The following SLC7A8 variants were observed in gnomAD, a reference collection of about 807,000 sequenced individuals.
SLC7A8 encodes the protein solute carrier family 7 member 8.
SLC7A8 carries 30 observed loss-of-function variants against 51.2 expected under a neutral mutation model. The observed-to-expected ratio is 0.59, with a 90% CI of 0.44 to 0.80. SLC7A8 has a LOEUF of 0.80. SLC7A8 is among the 30% of genes least tolerant of loss of function. The pLI is 0.00. For missense variants in SLC7A8, 612 were observed against 674.4 expected (o/e 0.91, Z 1.03); for synonymous variants, 257 against 275.8 (o/e 0.93, Z 0.67).
chr14:23,143,828 C>T (rs1245299188), intron 3 of SLC7A8, among the ~76,000 whole-genome samples: 1 of 152,176 alleles, frequency 6.6e-6, no homozygotes, highest in Non-Finnish European at 1.5e-5. Flanking sequence ...TCTTCCCCTA[C>T]CTCTACAACC....
chr14:23,146,306 G>C (rs117617634), intron 3 of SLC7A8, among the ~76,000 whole-genome samples: 3 of 152,198 alleles, frequency 2.0e-5, no homozygotes, highest in Non-Finnish European at 2.9e-5. Flanking sequence ...GGGGAGGAGA[G>C]GGGAGGGCGA....
At chr14:23,158,483 C>T (rs2048905352) in intron 3 of SLC7A8, among the ~76,000 whole-genome samples, 1 of 152,168 alleles carries the variant, frequency 6.6e-6, no homozygotes, top group Admixed American at 6.5e-5. Context: ...GCAGCTGGGA[C>T]TACAGGCCCC....
chr14:23,146,762 T>C (rs1220720706), intron 3 of SLC7A8: 2 of 152,210 alleles, frequency 1.3e-5, no homozygotes, highest in Non-Finnish European at 2.9e-5. Context: ...TGGGTGATCA[T>C]ACCATGTGAC....
chr14:23,144,511 A>C (rs1324683770), intron 3 of SLC7A8, among the ~76,000 whole-genome samples: 1 of 152,122 alleles, frequency 6.6e-6, no homozygotes, highest in Admixed American at 6.6e-5. Context: ...TCTCTACAAA[A>C]AATTTTAAAA....
At chr14:23,159,853 C>T (rs1356404204) in intron 3 of SLC7A8, among the ~76,000 whole-genome samples, 1 of 152,174 alleles carries the variant, frequency 6.6e-6, no homozygotes, top group Non-Finnish European at 1.5e-5. Context: ...AAGCTAGCCT[C>T]TTAGGAATCT....
In SLC7A8 at chr14:23,163,746, C is replaced by A. The variant is rs750884520; in HGVS notation, c.508+1539G>T. 4.6e-5 allele frequency among the ~76,000 whole-genome samples: 7 copies of A among 152,206 alleles called. No homozygotes were observed. In the East Asian group the frequency reaches 1.2e-3, roughly 25 times the overall value. On this transcript the variant is annotated intron_variant, in intron 3 of 10. Transcript: ENST00000316902. ...GACCCAGTGAACCCTAGAGGTGGAG[C>A]CCCTGAAACATATCTAAGTATTTAC...
chr14:23,180,176 G>A (rs1877110235), intron 1 of SLC7A8, among the ~76,000 whole-genome samples: 1 of 152,160 alleles, frequency 6.6e-6, no homozygotes, highest in Non-Finnish European at 1.5e-5. Flanking sequence ...AAAGTGCTGG[G>A]ATTACAGGTG....
chr14:23,161,485 C>T (rs1183373582), intron 3 of SLC7A8, among the ~76,000 whole-genome samples: 7 of 68,048 alleles, frequency 1.0e-4, no homozygotes, highest in Admixed American at 4.3e-4. Flanking sequence ...TACGCCACAC[C>T]GGAACTCTCT....
At chr14:23,143,275 C>G in intron 3 of SLC7A8, 71 bp from the exon 4 acceptor site, 1 of 1,590,122 alleles carries the variant, frequency 6.3e-7, no homozygotes, top group South Asian at 1.1e-5. Flanking sequence ...GGCACACAAG[C>G]AGAACTGCTC....
In SLC7A8 at chr14:23,182,725, A is replaced by G. The variant is rs1877234637; in HGVS notation, c.151+39T>C. 6 of 1,515,216 alleles carry G rather than the reference A, an allele frequency of 4.0e-6. No homozygotes were observed. The East Asian group carries it at 1.4e-4, about 35-fold the overall frequency. 93.9% of individuals were successfully genotyped at this position (1,515,216 alleles called of 1,614,324 possible). ...TAAGATCTCACAGGAGGACCACCAG[A>G]GGGGAGAGGAGGGGTCCGCGGGAAG... On this transcript the variant is annotated intron_variant, in intron 1 of 10. Coordinates refer to ENST00000316902, the MANE Select transcript of SLC7A8 (RefSeq NM_012244.4).
chr14:23,142,201 G>A (rs1594824711), intron 4 of SLC7A8, among the ~76,000 whole-genome samples: 1 of 151,784 alleles, frequency 6.6e-6, no homozygotes, highest in African/African-American at 2.4e-5. Flanking sequence ...AAATTTCCCT[G>A]TTTGTCACCT....
At position 23,143,065 on chromosome 14, in the gene SLC7A8, C is replaced by T. The variant is rs1327018604; in HGVS notation, c.634+14G>A. ...GGAAAGCTGGGCAGTACCTGTTTTT[C>T]CTGCGATACTCACCTTTGCATATCT... On this transcript the variant is annotated intron_variant, in intron 4 of 10. Coordinates refer to ENST00000316902, the MANE Select transcript of SLC7A8 (RefSeq NM_012244.4). The T allele has an allele frequency of 6.2e-7, 1 of 1,613,136 alleles. No homozygotes were observed. The highest frequency in any genetic ancestry group is 1.7e-5 in the Admixed American group (1 of 59,948).
chr14:23,182,784 C>A lies in SLC7A8; in HGVS notation c.131G>T (p.Ser44Ile), dbSNP rs760406023. ...VALKKEIGLV[S>I]ACGIIVGNII... Reference sequence around the variant, plus strand: ...CTCACCTACGATGATACCACAGGCACTGACCAATCCGATCTCTTTCTTCAG... The same window carrying A: ...CTCACCTACGATGATACCACAGGCAATGACCAATCCGATCTCTTTCTTCAG... Residue 44 changes from serine to isoleucine, a missense_variant, in exon 1 of 11, where the codon AGT becomes ATT. Ser to Ile is a moderately radical substitution (Grantham distance 142). Transcript: ENST00000316902. 3 of 1,602,624 alleles carry A rather than the reference C, an allele frequency of 1.9e-6. No individual in the cohort carries two copies. The highest frequency in any genetic ancestry group is 1.7e-5 in the Admixed American group (1 of 58,344).
chr14:23,142,950 A>C, intron 4 of SLC7A8, 129 bp downstream of exon 4: 1 of 1,218,448 alleles, frequency 8.2e-7, no homozygotes, highest in Non-Finnish European at 1.1e-6. Context: ...GGGAAGAAGA[A>C]GAGAAGTCAC....
intron 3 of SLC7A8, among the ~76,000 whole-genome samples, chr14:23,155,896 A>G (rs970742007): frequency 6.6e-6 from 1 of 152,172 alleles, no homozygotes; most frequent in African/African-American, 2.4e-5. Context: ...ACTAAATTCT[A>G]TAAACCTGGA....
At chr14:23,139,630 T>C (rs2048724540) in intron 5 of SLC7A8, 83 bp from the exon 6 acceptor site, 2 of 1,503,514 alleles carry the variant, frequency 1.3e-6, no homozygotes, top group Admixed American at 2.1e-5. Context: ...GTCTTCTGTC[T>C]TTCTGCATGC....
intron 7 of SLC7A8, among the ~76,000 whole-genome samples, chr14:23,134,237 A>G (rs1396381002): frequency 6.6e-6 from 1 of 151,956 alleles, no homozygotes; most frequent in Non-Finnish European, 1.5e-5. Context: ...AAATCGCAAA[A>G]TGCAGCCTGG....
intron 5 of SLC7A8, 40 bp from the exon 6 acceptor site, chr14:23,139,587 G>A (rs201345531): frequency 2.8e-5 from 45 of 1,594,060 alleles, no homozygotes; most frequent in Middle Eastern, 1.7e-4. Context: ...GCTGGCACCC[G>A]GGACACCCGC....
rs765247436 is a variant in SLC7A8, at chr14:23,143,067, T to C, written c.634+12A>G. ...AAAGCTGGGCAGTACCTGTTTTTCCTGCGATACTCACCTTTGCATATCTGT... is the reference window on the plus strand; with the variant it reads ...AAAGCTGGGCAGTACCTGTTTTTCCCGCGATACTCACCTTTGCATATCTGT... On this transcript the variant is annotated intron_variant, in intron 4 of 10. Transcript: ENST00000316902. 6.2e-7 allele frequency: 1 copy of C among 1,613,602 alleles called. No individual in the cohort carries two copies. Among genetic ancestry groups the C allele is most frequent in the South Asian group, 1.1e-5 (1 of 91,070 alleles).
Sources: allele counts gnomAD v4.1 joint callset (sites outside exome capture counted in the v4.1 genomes callset), GRCh38; gene constraint gnomAD v4.1.1; transcripts MANE v1.5; gene names NCBI Gene and HGNC (gene_info 2026-07-23, HGNC 2026-07-21).